Variants in PYHIN1 observed in about 807,000 individuals in gnomAD.
The protein encoded by PYHIN1 is pyrin and HIN domain-containing protein 1.
PYHIN1 carries 32 observed loss-of-function variants against 43.7 expected under a neutral mutation model. The observed-to-expected ratio is 0.73, with a 90% CI of 0.55 to 0.98. The LOEUF (loss-of-function observed/expected upper bound fraction) is 0.98, where lower values mean the gene tolerates loss of function less well. Ranked by LOEUF, PYHIN1 falls within the 50% of genes least tolerant of loss-of-function variation. PYHIN1 has a pLI of 0.00. For synonymous variants in PYHIN1, 205 were observed against 203.1 expected, an observed-to-expected ratio of 1.01 and a Z score of -0.08; for missense variants, 588 against 589.5, an observed-to-expected ratio of 1.00 and a Z score of 0.03.
intron 7 of PYHIN1, among the ~76,000 whole-genome samples, chr1:158,969,305 C>T (rs1403259495): frequency 6.6e-6 from 1 of 151,966 alleles, no homozygotes; most frequent in African/African-American, 2.4e-5. Context: ...CTTTCTCTTT[C>T]ACTGCCATGT....
At chr1:158,932,840 A>G (rs1648248520) in intron 1 of PYHIN1, among the ~76,000 whole-genome samples, 2 of 152,092 alleles carry the variant, frequency 1.3e-5, no homozygotes, top group South Asian at 4.1e-4. Flanking sequence ...TTCTAGTGGC[A>G]ATGTATAGGG....
intron 1 of PYHIN1, among the ~76,000 whole-genome samples, 200 bp from the exon 2 acceptor site, chr1:158,936,691 G>A (rs922284092): frequency 6.6e-6 from 1 of 152,198 alleles, no homozygotes; most frequent in Admixed American, 6.5e-5. Context: ...TTGATGGGAC[G>A]TATCTCAAAA....
intron 1 of PYHIN1, among the ~76,000 whole-genome samples, chr1:158,935,946 G>A (rs1648510696): frequency 6.6e-6 from 1 of 151,962 alleles, no homozygotes; most frequent in African/African-American, 2.4e-5. Context: ...TCATTCAATG[G>A]GATGAATTAC....
At chr1:158,975,910 G>A (rs371094196) in intron 8 of PYHIN1, among the ~76,000 whole-genome samples, 1 of 152,086 alleles carries the variant, frequency 6.6e-6, no homozygotes, top group South Asian at 2.1e-4. Context: ...TATTCTAAGG[G>A]TTTTTCAATA....
At chr1:158,972,622 A>G (rs1182888069) in intron 7 of PYHIN1, among the ~76,000 whole-genome samples, 1 of 152,072 alleles carries the variant, frequency 6.6e-6, no homozygotes, top group Non-Finnish European at 1.5e-5. Flanking sequence ...CTTCAGAACC[A>G]TAACTCACAG....
intron 7 of PYHIN1, among the ~76,000 whole-genome samples, chr1:158,947,582 C>T (rs915972713): frequency 5.9e-5 from 9 of 152,188 alleles, no homozygotes; most frequent in Admixed American, 2.6e-4. Flanking sequence ...CAGACCCTGA[C>T]CCAACAACAG....
At chr1:158,937,315 G>T in intron 2 of PYHIN1, 140 bp downstream of exon 2, 1 of 891,260 alleles carries the variant, frequency 1.1e-6, no homozygotes, top group Non-Finnish European at 1.7e-6. Context: ...TGGTACTTCA[G>T]ATGCCAACAA....
At chr1:158,939,754 C>A in intron 4 of PYHIN1, 1 of 540,418 alleles carries the variant, frequency 1.9e-6, no homozygotes, top group Non-Finnish European at 3.3e-6. Context: ...TGTTCTGTTT[C>A]CTAGGAACTT....
At chr1:158,977,383 G>A (rs921769488), downstream of PYHIN1, among the ~76,000 whole-genome samples, 32 of 152,236 alleles carry the variant, frequency 2.1e-4, no homozygotes, top group African/African-American at 7.5e-4. Context: ...GGCACTTTCT[G>A]GTGATGTGCA....
intron 7 of PYHIN1, among the ~76,000 whole-genome samples, chr1:158,970,556 A>G (rs1650877274): frequency 6.6e-6 from 1 of 151,926 alleles, no homozygotes; most frequent in South Asian, 2.1e-4. Context: ...GTTTTGACTT[A>G]TTTTGAAGAG....
intron 7 of PYHIN1, among the ~76,000 whole-genome samples, chr1:158,962,159 C>T (rs1038527260): frequency 6.6e-6 from 1 of 152,118 alleles, no homozygotes; most frequent in Non-Finnish European, 1.5e-5. Context: ...AGCACAGATG[C>T]CTCATGAAAA....
At chr1:158,950,918 G>C (rs894048044) in intron 7 of PYHIN1, among the ~76,000 whole-genome samples, 2 of 152,174 alleles carry the variant, frequency 1.3e-5, no homozygotes, top group Admixed American at 6.5e-5. Flanking sequence ...TCCCATAAGT[G>C]CAAAAGTTAA....
In PYHIN1 at chr1:158,945,228, A is replaced by C. The variant is rs1571735201; in HGVS notation, c.1359+186A>C. ...CACATGATAGTCTTTGCTATCTAAA[A>C]GATATTTATTTGTGCAACGATTGCT... is the stretch of plus-strand genomic sequence containing the variant. On this transcript the variant is annotated intron_variant, in intron 7 of 8. Transcript: ENST00000368140. The C allele has an allele frequency of 5.6e-6, 3 of 537,580 alleles. No individual in the cohort carries two copies. In the East Asian group the frequency reaches 1.0e-4, roughly 18 times the overall value. The allele number at this position is 537,580 out of a possible 1,614,324, so 33.3% of individuals were successfully genotyped here. A position where few individuals can be genotyped will look rare whatever the true frequency, so the allele number is the denominator to read the frequency against.
intron 7 of PYHIN1, among the ~76,000 whole-genome samples, chr1:158,966,077 T>C (rs1051096408): frequency 4.3e-4 from 66 of 152,138 alleles, no homozygotes; most frequent in African/African-American, 1.5e-3. Flanking sequence ...ACAACAATCC[T>C]TCAGAGACTA....
At position 158,938,527 on chromosome 1, in the gene PYHIN1, G is replaced by A. The variant is rs1648706348; in HGVS notation, c.396G>A (p.Glu132=). The A allele has an allele frequency of 1.2e-6, 2 of 1,614,018 alleles. No individual in the cohort carries two copies. The highest frequency in any genetic ancestry group is 2.7e-5 in the African/African-American group (2 of 74,940). The change falls in exon 3 of 9, where the codon GAG becomes GAA. Residue 132 remains glutamate (E), a synonymous_variant. Coordinates refer to ENST00000368140, the MANE Select transcript of PYHIN1 (RefSeq NM_152501.5). ...GTCTCACAGCTAAAGGAGCAGAGGAGACTCTTGGACCTCAGGTAAGCTTCA... is the reference window on the plus strand; with the variant it reads ...GTCTCACAGCTAAAGGAGCAGAGGAAACTCTTGGACCTCAGGTAAGCTTCA... ...SNRLTAKGAE[E]TLGPQKRKKP... is the part of the protein sequence containing the mutation.
intron 1 of PYHIN1, among the ~76,000 whole-genome samples, chr1:158,932,214 C>T (rs1648207397): frequency 6.6e-6 from 1 of 152,036 alleles, no homozygotes; most frequent in African/African-American, 2.4e-5. Flanking sequence ...ACAGGAATAC[C>T]AAATACTGCA....
At chr1:158,945,160 A>C (rs1353812318) in intron 7 of PYHIN1, 118 bp downstream of exon 7, 1 of 1,035,562 alleles carries the variant, frequency 9.7e-7, no homozygotes. Context: ...AGATAAAATT[A>C]AATCACCCAT....
intron 7 of PYHIN1, among the ~76,000 whole-genome samples, chr1:158,968,145 A>G (rs1453967252): frequency 6.6e-6 from 1 of 151,920 alleles, no homozygotes; most frequent in Non-Finnish European, 1.5e-5. Flanking sequence ...ATTACCAACA[A>G]AGTAATCAAA....
rs540637920 is a variant in PYHIN1, at chr1:158,952,993, G to A, written c.1359+7951G>A. Reference sequence around the variant, plus strand: ...TTCCGAGTCAAAGAAAGGGGTGATCGACGCACCTGGAAAATCGGGTCACTC... The same window carrying A: ...TTCCGAGTCAAAGAAAGGGGTGATCAACGCACCTGGAAAATCGGGTCACTC... On this transcript the variant is annotated intron_variant, in intron 7 of 8. Coordinates refer to ENST00000368140, the MANE Select transcript of PYHIN1 (RefSeq NM_152501.5). Among the ~76,000 whole-genome samples, 12 of 152,296 alleles carry A rather than the reference G, an allele frequency of 7.9e-5. No individual in the cohort carries two copies. The South Asian group carries it at 1.2e-3, about 16-fold the overall frequency.
Sources: gnomAD v4.1 joint callset for allele counts (sites outside exome capture counted in the v4.1 genomes callset) on GRCh38, gnomAD v4.1.1 for gene constraint, MANE v1.5 for transcripts, NCBI Gene and HGNC (gene_info 2026-07-23, HGNC 2026-07-21) for gene names.